PDE3B: variants seen among roughly 807,000 people sequenced by gnomAD.
The protein encoded by PDE3B is phosphodiesterase 3B, also known as cGMP-inhibited 3',5'-cyclic phosphodiesterase 3B.
PDE3B carries 66 observed loss-of-function variants against 116.8 expected under a neutral mutation model. The observed-to-expected ratio is 0.56, with a 90% CI of 0.46 to 0.69. The LOEUF (loss-of-function observed/expected upper bound fraction) is 0.69. PDE3B is among the 30% of genes least tolerant of loss of function. The pLI is 0.00. For synonymous variants in PDE3B, 595 were observed against 533.6 expected (o/e 1.12, Z -1.59); for missense variants, 1,384 against 1,368.1 (o/e 1.01, Z -0.18).
rs1053365292 is a variant in PDE3B, at chr11:14,764,415, C to T, written c.979-7522C>T. ...CAAAAGATGGATGTGGAGACAAATG[C>T]TGAGTAATCAGTAGAATCACTAAGC... On this transcript the variant is annotated intron_variant, in intron 1 of 15. Transcript: ENST00000282096. Among the ~76,000 whole-genome samples the T allele has an allele frequency of 1.1e-4, 17 of 152,180 alleles. No individual in the cohort carries two copies. The South Asian group carries it at 1.9e-3, about 17-fold the overall frequency.
chr11:14,825,879 C>A (rs1165865201), intron 7 of PDE3B, among the ~76,000 whole-genome samples: 4 of 151,918 alleles, frequency 2.6e-5, no homozygotes, highest in Non-Finnish European at 5.9e-5. Flanking sequence ...ATCAGACAAC[C>A]CTCAGCAAAT....
chr11:14,828,838 C>T (rs755579467), intron 7 of PDE3B, among the ~76,000 whole-genome samples: 3 of 152,164 alleles, frequency 2.0e-5, no homozygotes, highest in Non-Finnish European at 4.4e-5. Context: ...ATAAGTCATT[C>T]TCTTATAAAG....
chr11:14,840,051 T>C (rs1341869502), intron 11 of PDE3B, among the ~76,000 whole-genome samples: 1 of 152,154 alleles, frequency 6.6e-6, no homozygotes. Context: ...TGCTCCAAAA[T>C]ACTACTGTAA....
chr11:14,761,339 T>C (rs1590122912), intron 1 of PDE3B, among the ~76,000 whole-genome samples: 1 of 152,186 alleles, frequency 6.6e-6, no homozygotes, highest in Admixed American at 6.6e-5. Context: ...TGAACAGTAG[T>C]TAGACATTGT....
At chr11:14,708,365 C>T (rs916158504) in intron 1 of PDE3B, among the ~76,000 whole-genome samples, 2 of 152,002 alleles carry the variant, frequency 1.3e-5, no homozygotes, top group African/African-American at 4.8e-5. Flanking sequence ...CAAATAAATC[C>T]TTTTTCTTTA....
chr11:14,778,866 A>G (rs1857876739), intron 2 of PDE3B, among the ~76,000 whole-genome samples: 1 of 152,220 alleles, frequency 6.6e-6, no homozygotes, highest in Non-Finnish European at 1.5e-5. Flanking sequence ...GGTAATAACA[A>G]ACTTCTGTGA....
chr11:14,840,412 T>C (rs970552099), intron 11 of PDE3B, among the ~76,000 whole-genome samples: 7 of 152,206 alleles, frequency 4.6e-5, no homozygotes, highest in African/African-American at 1.4e-4. Context: ...CATAAATTTG[T>C]CATGTGCAGT....
chr11:14,673,100 A>G (rs1388904265), intron 1 of PDE3B, among the ~76,000 whole-genome samples: 3 of 152,096 alleles, frequency 2.0e-5, no homozygotes, highest in South Asian at 2.1e-4. Context: ...CAATTTGAGC[A>G]AAGATAAAAT....
chr11:14,656,297 A>C (rs913807919), intron 1 of PDE3B, among the ~76,000 whole-genome samples: 5 of 152,174 alleles, frequency 3.3e-5, no homozygotes, highest in Non-Finnish European at 5.9e-5. Flanking sequence ...CCTCTTTTAC[A>C]TCTCTAAATG....
chr11:14,756,788 C>A (rs1857192571), intron 1 of PDE3B, among the ~76,000 whole-genome samples: 1 of 128,504 alleles, frequency 7.8e-6, no homozygotes, highest in Non-Finnish European at 1.6e-5. Context: ...CACAAGATAT[C>A]ATTTTAAGTG....
intron 1 of PDE3B, among the ~76,000 whole-genome samples, chr11:14,757,401 T>C (rs1202291758): frequency 1.3e-5 from 2 of 150,740 alleles, no homozygotes; most frequent in African/African-American, 4.9e-5. Context: ...ATGGTTGAAC[T>C]AGTTTACAGT....
Position 14,738,725 on chromosome 11 carries a change from A to G in PDE3B, c.979-33212A>G, listed in dbSNP as rs556143829. On this transcript the variant is annotated intron_variant, in intron 1 of 15. Transcript: ENST00000282096. ...GCCTAGGTTTTCTTCTAGGGTTTTTATGGTTTTAGGTCTTACGCTTAAGTC... is the reference window on the plus strand; with the variant it reads ...GCCTAGGTTTTCTTCTAGGGTTTTTGTGGTTTTAGGTCTTACGCTTAAGTC... 4.0e-4 allele frequency among the ~76,000 whole-genome samples: 61 copies of G among 152,214 alleles called. No homozygotes were observed. The East Asian group carries it at 0.01, about 26-fold the overall frequency.
chr11:14,804,014 G>A lies in PDE3B; in HGVS notation c.1486G>A (p.Val496Ile), dbSNP rs146783540. 1.5e-4 allele frequency: 244 copies of A among 1,610,330 alleles called. No homozygotes were observed. Among genetic ancestry groups the A allele is most frequent in the Non-Finnish European group, 2.0e-4 (235 of 1,176,764 alleles). ...LTIPKQRSSS[V>I]SLTHHVGLRR... ...TATCCCGAAGCAAAGGTCATCTTCT[G>A]TATCACTGACTCACCATGTAGGTCT... The change falls in exon 5 of 16, where the codon GTA (valine) becomes ATA (isoleucine). Residue 496 changes from valine (V) to isoleucine (I), a missense_variant. Val to Ile is a conservative substitution (Grantham distance 29). This residue lies in a region of PDE3B where 956 missense variants were observed against 806.8 expected (regional missense o/e 1.18). Coordinates refer to ENST00000282096, the MANE Select transcript of PDE3B (RefSeq NM_000922.4).
At chr11:14,731,344 C>T (rs564662685) in intron 1 of PDE3B, among the ~76,000 whole-genome samples, 229 of 150,854 alleles carry the variant, frequency 1.5e-3, no homozygotes, top group African/African-American at 3.1e-3. Flanking sequence ...CTGCAAGTTC[C>T]GCGTCCCGAG....
chr11:14,872,591 A>G (rs782320233), downstream of PDE3B, among the ~76,000 whole-genome samples: 3 of 152,188 alleles, frequency 2.0e-5, no homozygotes, highest in Non-Finnish European at 4.4e-5. Flanking sequence ...AACCAATGGA[A>G]AACTTTCAAT....
At chr11:14,692,705 C>T (rs1855079679) in intron 1 of PDE3B, among the ~76,000 whole-genome samples, 1 of 152,130 alleles carries the variant, frequency 6.6e-6, no homozygotes, top group South Asian at 2.1e-4. Flanking sequence ...GTTCTGACTG[C>T]TCTACCAGCT....
At chr11:14,685,524 C>T (rs146501758) in intron 1 of PDE3B, among the ~76,000 whole-genome samples, 2 of 139,398 alleles carry the variant, frequency 1.4e-5, no homozygotes, top group East Asian at 2.2e-4. Flanking sequence ...GGCACAATCT[C>T]GGCTCCCTGA....
chr11:14,839,213 A>G (rs945147589), intron 11 of PDE3B, among the ~76,000 whole-genome samples: 2 of 152,222 alleles, frequency 1.3e-5, no homozygotes, highest in Non-Finnish European at 2.9e-5. Flanking sequence ...TTGAGTAAAC[A>G]TATTCAGCAA....
chr11:14,795,672 G>A (rs760936723), intron 4 of PDE3B, among the ~76,000 whole-genome samples: 32 of 152,172 alleles, frequency 2.1e-4, no homozygotes, highest in Non-Finnish European at 4.4e-4. Context: ...ATCTCTCTTT[G>A]TCTTGACTAT....
Sources: allele counts gnomAD v4.1 joint callset (sites outside exome capture counted in the v4.1 genomes callset), GRCh38; gene constraint gnomAD v4.1.1; regional missense constraint gnomAD v4.1.1; transcripts MANE v1.5; gene names NCBI Gene and HGNC (gene_info 2026-07-23, HGNC 2026-07-21).